The following ADGRG5 variants were observed in gnomAD, a reference collection of about 807,000 sequenced individuals.
ADGRG5 encodes G protein-coupled receptor 114.
In ADGRG5, 37 loss-of-function variants were observed where a neutral mutation model predicts 53.2. The ratio of observed to expected loss-of-function variants is 0.70; its 90% CI spans 0.53 to 0.91. The LOEUF (loss-of-function observed/expected upper bound fraction) is 0.91. Among genes scored for constraint, ADGRG5 ranks in the 40% least tolerant of loss-of-function variants. The pLI, the probability that ADGRG5 is intolerant of heterozygous loss-of-function variation, is 0.00. For synonymous variants in ADGRG5, 277 were observed against 290.4 expected (o/e 0.95, Z 0.47); for missense variants, 614 against 675.8 (o/e 0.91, Z 1.01).
At chr16:57,550,315 A>G (rs574792480) in intron 1 of ADGRG5, among the ~76,000 whole-genome samples, 3 of 152,280 alleles carry the variant, frequency 2.0e-5, no homozygotes, top group Non-Finnish European at 4.4e-5. Context: ...TGATTGTTCA[A>G]ATCTTTTCCT....
chr16:57,573,009 T>A (rs2033403506), intron 10 of ADGRG5, among the ~76,000 whole-genome samples: 1 of 152,178 alleles, frequency 6.6e-6, no homozygotes, highest in South Asian at 2.1e-4. Flanking sequence ...GAGCCTGAGT[T>A]TCCTCATCTG....
chr16:57,575,806 T>G lies in ADGRG5; in HGVS notation c.*268T>G. On this transcript the variant is annotated 3_prime_UTR_variant, in exon 12 of 12. Coordinates refer to ENST00000349457, the MANE Select transcript of ADGRG5 (RefSeq NM_001304376.3). ...ACCTGGGCCCAGCTCGCCAGGGATG[T>G]GGGCAGAGCACCAGCCTGGGCATCA... 4.4e-6 allele frequency: 2 copies of G among 453,864 alleles called. No homozygotes were observed. The highest frequency in any genetic ancestry group is 8.1e-6 in the Non-Finnish European group (2 of 245,928). The allele number at this position is 453,864 out of a possible 1,614,324, so 28.1% of individuals were successfully genotyped here.
chr16:57,537,010 A>G, the ADGRG5 span, among the ~76,000 whole-genome samples: 2 of 152,144 alleles, frequency 1.3e-5, no homozygotes, highest in Non-Finnish European at 2.9e-5. Flanking sequence ...TGGGCCAACA[A>G]GTCTGTGCCC....
upstream of ADGRG5, among the ~76,000 whole-genome samples, chr16:57,541,430 C>A (rs2032488479): frequency 6.6e-6 from 1 of 152,134 alleles, no homozygotes; most frequent in African/African-American, 2.4e-5. Context: ...CCCAAGTCAC[C>A]CAGAGGGAGT....
chr16:57,561,963 G>A, intron 1 of ADGRG5, 93 bp from the exon 2 acceptor site: 1 of 593,928 alleles, frequency 1.7e-6, no homozygotes, highest in Non-Finnish European at 2.9e-6. Context: ...AGTCAAATAA[G>A]ATGCTGCATG....
At chr16:57,548,950 G>T (rs1013492879) in intron 1 of ADGRG5, among the ~76,000 whole-genome samples, 1 of 151,922 alleles carries the variant, frequency 6.6e-6, no homozygotes, top group Non-Finnish European at 1.5e-5. Flanking sequence ...CATTTCTCTG[G>T]GATAAAAGCC....
rs778337172 is a variant in ADGRG5, at chr16:57,563,265, G to T, written c.297+18G>T. On this transcript the variant is annotated intron_variant, in intron 4 of 11. Transcript: ENST00000349457. Reference sequence around the variant, plus strand: ...TGCCCCAGGTCAGAGGCTGCGGGTTGGGGGGTGTGGCCAGCTGCCCCGCCC... The same window carrying T: ...TGCCCCAGGTCAGAGGCTGCGGGTTTGGGGGTGTGGCCAGCTGCCCCGCCC... 16 of 1,608,418 alleles carry T rather than the reference G, an allele frequency of 9.9e-6. No homozygotes were observed. The African/African-American group carries it at 1.9e-4, about 19-fold the overall frequency.
the ADGRG5 span, among the ~76,000 whole-genome samples, chr16:57,529,768 G>A: frequency 6.6e-6 from 1 of 152,152 alleles, no homozygotes; most frequent in African/African-American, 2.4e-5. This position sits in a 1 kb window ranked among gnomAD's most constrained non-coding sequence, Gnocchi z 4.1. Flanking sequence ...CTTCAGGCCA[G>A]GTCCATCAGC....
At chr16:57,545,481 G>T (rs2032594564) in intron 1 of ADGRG5, among the ~76,000 whole-genome samples, 1 of 152,176 alleles carries the variant, frequency 6.6e-6, no homozygotes, top group Non-Finnish European at 1.5e-5. Context: ...GAGCCCAGGT[G>T]TTGGAGACCA....
In ADGRG5 at chr16:57,567,575, C is replaced by T; in HGVS notation, c.805C>T (p.Leu269=). ...CGTGGCCTCGCTGATCACAGTCCTG[C>T]TGCACTTCCATTTCAGGTATTCCGC... ...SIVASLITVL[L]HFHFRKQSDS... Residue 269 remains leucine (L), a synonymous_variant, in exon 8 of 12, where the codon CTG becomes TTG. Coordinates refer to ENST00000349457, the MANE Select transcript of ADGRG5 (RefSeq NM_001304376.3). 1 of 1,611,082 alleles carries T rather than the reference C, an allele frequency of 6.2e-7. No homozygotes were observed. Among genetic ancestry groups the T allele is most frequent in the Non-Finnish European group, 8.5e-7 (1 of 1,179,882 alleles).
At chr16:57,535,382 C>T in the ADGRG5 span, among the ~76,000 whole-genome samples, 1 of 152,162 alleles carries the variant, frequency 6.6e-6, no homozygotes, top group Non-Finnish European at 1.5e-5. Flanking sequence ...TTGATTTGAA[C>T]TCCTTTCTTT....
At chr16:57,536,382 C>G in the ADGRG5 span, 1 of 152,330 alleles carries the variant, frequency 6.6e-6, no homozygotes. Context: ...CCGACTGTGT[C>G]TGCTCCTCCA....
chr16:57,570,013 A>ACCTACTCCACCT (rs2033302957), intron 9 of ADGRG5, among the ~76,000 whole-genome samples: 1 of 151,488 alleles, frequency 6.6e-6, no homozygotes, highest in African/African-American at 2.4e-5. Context: ...CACCATCACC[A>ACCTACTCCACCT]CCTACTCCAC....
intron 1 of ADGRG5, among the ~76,000 whole-genome samples, chr16:57,554,374 C>CT (rs1197786650): frequency 9.8e-4 from 142 of 145,626 alleles, no homozygotes; most frequent in Admixed American, 2.9e-3. Flanking sequence ...ATAATTTTAT[C>CT]TTTTTTTTTT....
Position 57,574,011 on chromosome 16 carries a change from C to T in ADGRG5, c.1209-804C>T, listed in dbSNP as rs1164550823. ...TGCTGAGATTACAGGCATGAGCCAC[C>T]GCGCCTGGCCTCCATTTGATTTAGT... On this transcript the variant is annotated intron_variant, in intron 10 of 11. Coordinates refer to ENST00000349457, the MANE Select transcript of ADGRG5 (RefSeq NM_001304376.3). The surrounding 1 kb of genome is among the most constrained non-coding windows in gnomAD (Gnocchi z 4.4). 6.6e-6 allele frequency among the ~76,000 whole-genome samples: 1 copy of T among 152,230 alleles called. No individual in the cohort carries two copies. The highest frequency in any genetic ancestry group is 1.5e-5 in the Non-Finnish European group (1 of 68,046).
rs1256296098 is a variant in ADGRG5 at position 57,574,803 on chromosome 16, C to A, written c.1209-12C>A. On this transcript the variant is annotated splice_polypyrimidine_tract_variant and intron_variant, in intron 10 of 11. Coordinates refer to ENST00000349457, the MANE Select transcript of ADGRG5 (RefSeq NM_001304376.3). This position sits in a 1 kb window ranked among gnomAD's most constrained non-coding sequence, Gnocchi z 4.4. Reference sequence around the variant, plus strand: ...AGCCACTGTGAGCCTGACACGTCACCCTCCCCTGCAGATGCTGGGTGCGGA... The same window carrying A: ...AGCCACTGTGAGCCTGACACGTCACACTCCCCTGCAGATGCTGGGTGCGGA... 2 of 1,553,832 alleles carry A rather than the reference C, an allele frequency of 1.3e-6. No homozygotes were observed. Among genetic ancestry groups the A allele is most frequent in the Non-Finnish European group, 1.7e-6 (2 of 1,147,636 alleles).
intron 1 of ADGRG5, among the ~76,000 whole-genome samples, chr16:57,554,372 A>G (rs1293843348): frequency 2.0e-5 from 3 of 149,492 alleles, no homozygotes; most frequent in African/African-American, 7.4e-5. Context: ...TTATAATTTT[A>G]TCTTTTTTTT....
At position 57,566,726 on chromosome 16, in the gene ADGRG5, A is replaced by G; in HGVS notation, c.674A>G (p.His225Arg). 1 of 1,558,880 alleles carries G rather than the reference A, an allele frequency of 6.4e-7. No individual in the cohort carries two copies. The change falls in exon 7 of 12, where the codon CAC (histidine) becomes CGC (arginine). Residue 225 changes from histidine (H) to arginine (R), a missense_variant. Coordinates refer to ENST00000349457, the MANE Select transcript of ADGRG5 (RefSeq NM_001304376.3). ...SHSQVLCRCN[H>R]LTYFAVLMQL... Reference sequence around the variant, plus strand: ...TCTCAGGTGCTCTGCCGCTGCAACCACCTCACCTACTTTGCTGTTCTCATG... The same window carrying G: ...TCTCAGGTGCTCTGCCGCTGCAACCGCCTCACCTACTTTGCTGTTCTCATG...
chr16:57,531,966 C>A, the ADGRG5 span, among the ~76,000 whole-genome samples: 1 of 152,178 alleles, frequency 6.6e-6, no homozygotes, highest in East Asian at 1.9e-4. Flanking sequence ...GCTCAGCGAC[C>A]CCGCTGCATT....
Sources: allele counts gnomAD v4.1 joint callset (sites outside exome capture counted in the v4.1 genomes callset), GRCh38; gene constraint gnomAD v4.1.1; non-coding constraint Gnocchi (gnomAD v3.1); transcripts MANE v1.5; gene names NCBI Gene and HGNC (gene_info 2026-07-23, HGNC 2026-07-21).